The following MAP3K20 variants were observed in gnomAD, a reference collection of about 807,000 sequenced individuals.
MAP3K20 encodes the protein mitogen-activated protein kinase kinase kinase 20.
MAP3K20 carries 40 observed loss-of-function variants against 85.7 expected under a neutral mutation model. The observed-to-expected ratio is 0.47, with a 90% confidence interval of 0.36 to 0.61. MAP3K20 has a LOEUF of 0.61. Among genes scored for constraint, MAP3K20 ranks in the 20% least tolerant of loss-of-function variants. MAP3K20 has a pLI of 0.00. For synonymous variants in MAP3K20, 325 were observed against 327.7 expected, an observed-to-expected ratio of 0.99 and a Z score of 0.09; for missense variants, 817 against 961.7, an observed-to-expected ratio of 0.85 and a Z score of 1.99.
At chr2:173,125,736 C>T (rs1688422636) in intron 2 of MAP3K20, among the ~76,000 whole-genome samples, 3 of 152,060 alleles carry the variant, frequency 2.0e-5, no homozygotes, top group South Asian at 2.1e-4. Flanking sequence ...GATCTCAGCT[C>T]ACTGCAAGCT....
rs558532706 is a variant in MAP3K20, at chr2:173,238,102, G to A, written c.1204-271G>A. 2.3e-4 allele frequency among the ~76,000 whole-genome samples: 35 copies of A among 152,132 alleles called. 1 individual carries two copies. The highest frequency in any genetic ancestry group is 4.1e-4 in the Non-Finnish European group (28 of 68,020). On this transcript the variant is annotated intron_variant, in intron 14 of 19. Transcript: ENST00000375213. ...GGAGTTCAAGGCTGTGGAGAGTTAT[G>A]ATAGCATTACTGCACTCCAGCCTGC... is the stretch of plus-strand genomic sequence containing the variant.
At chr2:173,193,039 A>G (rs2106277538) in intron 7 of MAP3K20, 1 of 152,342 alleles carries the variant, frequency 6.6e-6, no homozygotes, top group East Asian at 1.9e-4. Flanking sequence ...GCAGCAGGCC[A>G]TCGTTGCGGG....
intron 2 of MAP3K20, among the ~76,000 whole-genome samples, chr2:173,166,220 C>T (rs1411359210): frequency 2.6e-5 from 4 of 152,156 alleles, no homozygotes; most frequent in South Asian, 2.1e-4. Flanking sequence ...TTTTACTTAG[C>T]GTAATATTTT....
chr2:173,200,069 A>G (rs533260539), intron 8 of MAP3K20, among the ~76,000 whole-genome samples: 1 of 152,326 alleles, frequency 6.6e-6, no homozygotes, highest in South Asian at 2.1e-4. Context: ...ATTAAATATA[A>G]TAGTTAGTTG....
chr2:173,142,031 A>T (rs1688989816), intron 2 of MAP3K20, among the ~76,000 whole-genome samples: 1 of 152,224 alleles, frequency 6.6e-6, no homozygotes, highest in South Asian at 2.1e-4. Flanking sequence ...AAGCTGAGAT[A>T]ATTTATTGCC....
At chr2:173,190,944 TA>T (rs771218868) in intron 6 of MAP3K20, 21 bp downstream of exon 6, 3 of 1,606,696 alleles carry the variant, frequency 1.9e-6, no homozygotes, top group African/African-American at 2.7e-5. Flanking sequence ...TTCTTTTACT[TA>T]AAAAAATTGT....
chr2:173,143,084 C>T (rs564614845), intron 2 of MAP3K20, among the ~76,000 whole-genome samples: 2 of 152,108 alleles, frequency 1.3e-5, no homozygotes, highest in East Asian at 3.9e-4. Flanking sequence ...ATGCTATCTA[C>T]AAGAGGTGTA....
At chr2:173,109,471 A>C (rs1411480315) in intron 2 of MAP3K20, among the ~76,000 whole-genome samples, 5 of 151,632 alleles carry the variant, frequency 3.3e-5, no homozygotes, top group Non-Finnish European at 4.4e-5. Context: ...TCCGTTTATT[A>C]TGGTGGTTTT....
At chr2:173,191,803 G>T (rs752269270) in intron 7 of MAP3K20, among the ~76,000 whole-genome samples, 1 of 152,148 alleles carries the variant, frequency 6.6e-6, no homozygotes, top group Non-Finnish European at 1.5e-5. Flanking sequence ...GACTAATGAG[G>T]GGGTGGAGTG....
chr2:173,079,846 CCTT>C lies in MAP3K20; in HGVS notation c.-35+3850_-35+3852del, dbSNP rs568655506. On this transcript the variant is annotated intron_variant, in intron 1 of 19. Transcript: ENST00000375213. ...CTCCCCATCTCCAGTGATAACAATG[CCTT>C]CTTCTGGACACCTCCTGAAGGACCT... is the stretch of plus-strand genomic sequence containing the variant. 1.8e-3 allele frequency among the ~76,000 whole-genome samples: 268 copies of C among 151,970 alleles called. 1 individual carries two copies. Among genetic ancestry groups the C allele is most frequent in the African/African-American group, 6.3e-3 (260 of 41,468 alleles).
chr2:173,170,674 C>T (rs190563732), intron 3 of MAP3K20, among the ~76,000 whole-genome samples: 1 of 152,180 alleles, frequency 6.6e-6, no homozygotes, highest in Non-Finnish European at 1.5e-5. Context: ...TAGAAAATAA[C>T]AACAAAACAC....
chr2:173,244,416 C>T (rs1184466857), intron 16 of MAP3K20, among the ~76,000 whole-genome samples: 1 of 152,076 alleles, frequency 6.6e-6, no homozygotes, highest in African/African-American at 2.4e-5. Context: ...CTAAAGAGCT[C>T]AGGTATTCAA....
chr2:173,201,422 ATACT>A (rs1691056639), intron 8 of MAP3K20, among the ~76,000 whole-genome samples: 1 of 152,202 alleles, frequency 6.6e-6, no homozygotes, highest in Non-Finnish European at 1.5e-5. Context: ...ATTTTTATAA[ATACT>A]TAAATTCTTA....
chr2:173,256,526 T>TAGACAGACAGACAGACAGAC (rs1210473187), intron 16 of MAP3K20, among the ~76,000 whole-genome samples: 11 of 101,436 alleles, frequency 1.1e-4, no homozygotes, highest in Admixed American at 9.1e-4. Flanking sequence ...GATAGATAGA[T>TAGACAGACAGACAGACAGAC]AGATAGACAG....
chr2:173,092,308 C>G (rs1687324359), intron 2 of MAP3K20, among the ~76,000 whole-genome samples: 1 of 152,204 alleles, frequency 6.6e-6, no homozygotes, highest in Admixed American at 6.5e-5. Flanking sequence ...CAGAAAGGTA[C>G]TGGGTATGAG....
chr2:173,103,667 C>T (rs964619264), intron 2 of MAP3K20, among the ~76,000 whole-genome samples: 8 of 152,200 alleles, frequency 5.3e-5, no homozygotes, highest in Non-Finnish European at 8.8e-5. Flanking sequence ...CGCATAGATT[C>T]TCTATTCAAG....
At chr2:173,263,703 ATTTGTCTTTTT>A (rs1685347734) in intron 18 of MAP3K20, 31 bp from the exon 19 acceptor site, 2 of 1,579,156 alleles carry the variant, frequency 1.3e-6, no homozygotes, top group East Asian at 2.3e-5. Context: ...ATATGTTTCT[ATTTGTCTTTTT>A]TTTGTCTTTT....
intron 2 of MAP3K20, among the ~76,000 whole-genome samples, chr2:173,130,151 G>C (rs1688566992): frequency 6.6e-6 from 1 of 152,182 alleles, no homozygotes; most frequent in South Asian, 2.1e-4. Flanking sequence ...AATGTGCAGA[G>C]ATGTTCACTT....
At chr2:173,134,426 A>ATTTTTTTTTTTTTTTTTTT (rs1457014949) in intron 2 of MAP3K20, among the ~76,000 whole-genome samples, 1 of 4,672 alleles carries the variant, frequency 2.1e-4, no homozygotes, top group African/African-American at 6.3e-4. Context: ...ATATATATAT[A>ATTTTTTTTTTTTTTTTTTT]TATTTTTTTT....
Sources: gnomAD v4.1 joint callset for allele counts (sites outside exome capture counted in the v4.1 genomes callset) on GRCh38, gnomAD v4.1.1 for gene constraint, MANE v1.5 for transcripts, NCBI Gene and HGNC (gene_info 2026-07-23, HGNC 2026-07-21) for gene names.